The following TLK1 variants were observed in gnomAD, a reference collection of about 807,000 sequenced individuals.
The protein encoded by TLK1 is tousled like kinase 1.
In TLK1, 24 loss-of-function variants were observed where a neutral mutation model predicts 105.3. That is an observed-to-expected ratio of 0.23 (90% CI 0.17 to 0.32). The LOEUF (loss-of-function observed/expected upper bound fraction) is 0.32, where lower values mean the gene tolerates loss of function less well. Among genes scored for constraint, TLK1 ranks in the 10% least tolerant of loss-of-function variants. The pLI, the probability that TLK1 is intolerant of heterozygous loss-of-function variation, is 1.00. For synonymous variants in TLK1, 321 were observed against 310.4 expected (o/e 1.03, Z -0.36); for missense variants, 558 against 910.5 (o/e 0.61, Z 4.98).
chr2:171,193,390 T>C (rs1178737458), intron 1 of TLK1, among the ~76,000 whole-genome samples: 1 of 150,832 alleles, frequency 6.6e-6, no homozygotes, highest in Non-Finnish European at 1.5e-5. Context: ...CTGTTATCAC[T>C]TAGTTTTTCG....
chr2:171,153,253 T>C (rs1376170057), intron 1 of TLK1, among the ~76,000 whole-genome samples: 1 of 152,248 alleles, frequency 6.6e-6, no homozygotes, highest in Non-Finnish European at 1.5e-5. Flanking sequence ...GCTTCAGTTT[T>C]CTCATCTGAA....
intron 2 of TLK1, among the ~76,000 whole-genome samples, chr2:171,115,730 T>C (rs1690396184): frequency 1.3e-5 from 2 of 152,186 alleles, no homozygotes; most frequent in Admixed American, 1.3e-4. Context: ...AACATAATGC[T>C]AGACGAATTT....
At chr2:171,139,715 G>T (rs1691488345) in intron 1 of TLK1, among the ~76,000 whole-genome samples, 1 of 149,214 alleles carries the variant, frequency 6.7e-6, no homozygotes, top group African/African-American at 2.5e-5. Context: ...TGCTCCACAA[G>T]TTGGTCCTAT....
chr2:171,117,948 A>T (rs1327453190), intron 1 of TLK1, 91 bp from the exon 2 acceptor site: 3 of 860,628 alleles, frequency 3.5e-6, no homozygotes, highest in Non-Finnish European at 4.9e-6. Flanking sequence ...ATTAGTTAAG[A>T]TGTTAAAAAT....
intron 1 of TLK1, among the ~76,000 whole-genome samples, chr2:171,208,084 T>C (rs1255291378): frequency 6.6e-6 from 1 of 152,170 alleles, no homozygotes; most frequent in African/African-American, 2.4e-5. Context: ...CAACCCAGGC[T>C]CTCTAACCTA....
Position 171,055,147 on chromosome 2 carries a change from G to A in TLK1, c.575C>T (p.Thr192Ile). The change falls in exon 7 of 21, where the codon ACT (threonine) becomes ATT (isoleucine). Residue 192 changes from threonine to isoleucine, a missense_variant. Physicochemically the swap from Thr to Ile is moderately conservative, Grantham distance 89. This residue lies in a region of TLK1 where 196 missense variants were observed against 239.3 expected (regional missense o/e 0.82). Coordinates refer to ENST00000431350, the MANE Select transcript of TLK1 (RefSeq NM_012290.5). ...SSVRPNSPSP[T>I]ALAFGDHPIV... ...AGGGTGGTCCCCAAATGCTAATGCA[G>A]TAGGAGAAGGGCTATTCGGTCGAAC... The A allele has an allele frequency of 6.8e-7, 1 of 1,464,936 alleles. No homozygotes were observed. The highest frequency in any genetic ancestry group is 9.0e-7 in the Non-Finnish European group (1 of 1,110,524). 90.7% of individuals were successfully genotyped at this position (1,464,936 alleles called of 1,614,324 possible). A position where few individuals can be genotyped will look rare whatever the true frequency, so the allele number is the denominator to read the frequency against.
At chr2:171,066,905 G>T in intron 3 of TLK1, 1 of 1,551,200 alleles carries the variant, frequency 6.4e-7, no homozygotes, top group South Asian at 1.2e-5. Flanking sequence ...GCTGAAGGGT[G>T]GGGGTTGGGA....
In TLK1 at chr2:171,160,460, C is replaced by T. The variant is rs374313103; in HGVS notation, c.-32G>A. ...ACTTTCTGGGAACCCGACTCCCCCC[C>T]TGCGACGGCAGCGGCGGCAACGGCA... On this transcript the variant is annotated 5_prime_UTR_variant, in exon 1 of 21. Coordinates refer to ENST00000431350, the MANE Select transcript of TLK1 (RefSeq NM_012290.5). The surrounding 1 kb of genome is among the most constrained non-coding windows in gnomAD (Gnocchi z 4.4). The T allele has an allele frequency of 1.6e-5, 26 of 1,582,980 alleles. No individual in the cohort carries two copies. The highest frequency in any genetic ancestry group is 2.1e-5 in the Non-Finnish European group (25 of 1,167,922).
intron 1 of TLK1, among the ~76,000 whole-genome samples, chr2:171,125,399 C>T (rs1690826373): frequency 6.6e-6 from 1 of 152,174 alleles, no homozygotes; most frequent in East Asian, 1.9e-4. Flanking sequence ...ACCCACACTC[C>T]AATGTGCCTT....
rs768366720 is a variant in TLK1 at position 171,160,425 on chromosome 2, T to A, written c.4A>T (p.Ser2Cys). Residue 2 changes from serine to cysteine, a missense_variant, in exon 1 of 21, where the codon AGT (serine) becomes TGT (cysteine). Coordinates refer to ENST00000431350, the MANE Select transcript of TLK1 (RefSeq NM_012290.5). This position sits in a 1 kb window ranked among gnomAD's most constrained non-coding sequence, Gnocchi z 4.4. M[S>C]VQSSSGSLEG... ...AAACTTCCACTGCTACTTTGGACAC[T>A]CATCAAGCTACTTTCTGGGAACCCG... is the stretch of plus-strand genomic sequence containing the variant. 3.7e-6 allele frequency: 6 copies of A among 1,600,324 alleles called. No individual in the cohort carries two copies. The South Asian group carries it at 6.7e-5, about 18-fold the overall frequency.
chr2:171,198,701 T>C (rs1228273968), intron 1 of TLK1, among the ~76,000 whole-genome samples: 3 of 152,144 alleles, frequency 2.0e-5, no homozygotes, highest in African/African-American at 7.2e-5. Context: ...AGGATGGAGA[T>C]GAGGAATAAT....
intron 18 of TLK1, among the ~76,000 whole-genome samples, chr2:171,003,474 G>A (rs974771878): frequency 1.3e-5 from 2 of 152,036 alleles, no homozygotes; most frequent in African/African-American, 4.8e-5. Context: ...TTCTTGTAAT[G>A]TCATGATTTT....
At chr2:171,127,954 C>T (rs116269079) in intron 1 of TLK1, among the ~76,000 whole-genome samples, 2,779 of 152,130 alleles carry the variant, frequency 0.018, 54 homozygotes, top group South Asian at 0.03. Context: ...TGTCTGACAA[C>T]AGTAAGTATA....
chr2:171,196,235 G>A (rs1347299421), intron 1 of TLK1, among the ~76,000 whole-genome samples: 1 of 151,562 alleles, frequency 6.6e-6, no homozygotes, highest in African/African-American at 2.4e-5. Context: ...TACTGCCTCA[G>A]CCTCCTGAGT....
In TLK1 at chr2:171,061,136, C is replaced by T. The variant is rs375155996; in HGVS notation, c.351G>A (p.Ser117=). 2.1e-4 allele frequency: 339 copies of T among 1,613,236 alleles called. No homozygotes were observed. The highest frequency in any genetic ancestry group is 2.6e-4 in the Non-Finnish European group (310 of 1,179,684). Residue 117 remains serine (S), a synonymous_variant, in exon 4 of 21, where the codon TCG becomes TCA. Transcript: ENST00000431350. The stretch of plus-strand genomic sequence containing the variant: ...TTCTCTTTCTTCCCCTGGATGATTC[C>T]GATTGTTTCTTCTCCGGTGTCTACA... ...KESETPEKKQ[S]ESSRGRKRKA...
At chr2:171,059,528 T>A (rs1048149638) in intron 4 of TLK1, among the ~76,000 whole-genome samples, 10 of 152,188 alleles carry the variant, frequency 6.6e-5, no homozygotes, top group African/African-American at 2.4e-4. Context: ...ATGGCCCTGA[T>A]TTTTTTCTTT....
At chr2:171,165,941 G>T (rs1161806841) in intron 1 of TLK1, among the ~76,000 whole-genome samples, 2 of 152,120 alleles carry the variant, frequency 1.3e-5, no homozygotes, top group African/African-American at 4.8e-5. Flanking sequence ...GAGACTGGAT[G>T]AGGTATACTT....
intron 1 of TLK1, among the ~76,000 whole-genome samples, chr2:171,193,535 T>C (rs534405464): frequency 6.6e-6 from 1 of 151,712 alleles, no homozygotes; most frequent in South Asian, 2.1e-4. Flanking sequence ...TAGCTGGGAC[T>C]ACAAGCGCCC....
Position 171,173,825 on chromosome 2 carries a change from C to G in TLK1, c.-5-55968G>C, listed in dbSNP as rs145630365. Among the ~76,000 whole-genome samples the G allele has an allele frequency of 1.3e-4, 20 of 152,296 alleles. 1 individual carries two copies. In the East Asian group the frequency reaches 3.9e-3, roughly 29 times the overall value. ...AATGTCTTCATCCTATATTCACTAT[C>G]TTGGGTAGAAATGACCAGGAATAAG... is the stretch of plus-strand genomic sequence containing the variant. On this transcript the variant is annotated intron_variant, in intron 1 of 20. Transcript: ENST00000521943.
Sources: gnomAD v4.1 joint callset for allele counts (sites outside exome capture counted in the v4.1 genomes callset) on GRCh38, gnomAD v4.1.1 for gene constraint, gnomAD v4.1.1 regional missense constraint, Gnocchi (gnomAD v3.1) non-coding constraint, MANE v1.5 for transcripts, NCBI Gene and HGNC (gene_info 2026-07-23, HGNC 2026-07-21) for gene names.